Variants in KCNB2 observed in about 807,000 individuals in gnomAD.
KCNB2 encodes the protein delayed rectifier potassium channel protein.
In KCNB2, 15 loss-of-function variants were observed where a neutral mutation model predicts 61.5. That is an observed-to-expected ratio of 0.24 (90% confidence interval 0.16 to 0.38). The LOEUF is 0.38. Among genes scored for constraint, KCNB2 ranks in the 10% least tolerant of loss-of-function variants. KCNB2 has a pLI of 1.00. For missense variants in KCNB2, 828 were observed against 1,125.2 expected (o/e 0.74, Z 3.78); for synonymous variants, 457 against 446.0 (o/e 1.02, Z -0.31).
intron 2 of KCNB2, among the ~76,000 whole-genome samples, chr8:72,794,564 CAAAAAAAA>C (rs397892520): frequency 1.8e-5 from 1 of 56,964 alleles, no homozygotes; most frequent in Admixed American, 2.2e-4. Flanking sequence ...GACTCCATCT[CAAAAAAAA>C]AAAAAAAAAA....
At chr8:72,739,651 A>C (rs1807914130) in intron 2 of KCNB2, among the ~76,000 whole-genome samples, 1 of 152,042 alleles carries the variant, frequency 6.6e-6, no homozygotes, top group Non-Finnish European at 1.5e-5. Context: ...CTTTGAGTTT[A>C]TAGAAGAATG....
chr8:72,871,160 C>T lies in KCNB2; in HGVS notation c.580-64775C>T, dbSNP rs974688743. Reference sequence around the variant, plus strand: ...TCCACCTGCCAACCTCACAGGATTGCTGAAAGGAATGAAATAACAGATGTA... The same window carrying T: ...TCCACCTGCCAACCTCACAGGATTGTTGAAAGGAATGAAATAACAGATGTA... On this transcript the variant is annotated intron_variant, in intron 2 of 2. Coordinates refer to ENST00000523207, the MANE Select transcript of KCNB2 (RefSeq NM_004770.3). Among the ~76,000 whole-genome samples, 3 of 152,080 alleles carry T rather than the reference C, an allele frequency of 2.0e-5. No individual in the cohort carries two copies. In the South Asian group the frequency reaches 6.2e-4, roughly 32 times the overall value.
At chr8:72,731,603 G>A (rs572431693) in intron 2 of KCNB2, among the ~76,000 whole-genome samples, 26 of 152,340 alleles carry the variant, frequency 1.7e-4, no homozygotes, top group Non-Finnish European at 3.1e-4. Context: ...GTGGCGCTTA[G>A]TCACAAGTGA....
intron 2 of KCNB2, among the ~76,000 whole-genome samples, chr8:72,784,765 G>A (rs1258916408): frequency 6.6e-6 from 1 of 152,042 alleles, no homozygotes; most frequent in Non-Finnish European, 1.5e-5. Context: ...TGAGATTTTG[G>A]GTGGGGACAC....
rs200043739 is a variant in KCNB2, at chr8:72,598,282, AAGGC to A, written c.579+29970_579+29973del. 1.1e-3 allele frequency among the ~76,000 whole-genome samples: 174 copies of A among 152,378 alleles called. 5 individuals are homozygous for A. In the East Asian group the frequency reaches 0.031, roughly 27 times the overall value. The stretch of plus-strand genomic sequence containing the variant: ...CAAGTGGACTTCATCACTCAGATGC[AAGGC>A]TGGTTCAACATATGAAAATCAATAA... On this transcript the variant is annotated intron_variant, in intron 2 of 2. Coordinates refer to ENST00000523207, the MANE Select transcript of KCNB2 (RefSeq NM_004770.3).
intron 2 of KCNB2, among the ~76,000 whole-genome samples, chr8:72,885,928 G>C (rs1040176142): frequency 6.6e-6 from 1 of 151,992 alleles, no homozygotes; most frequent in Admixed American, 6.6e-5. Context: ...TCTGACTAAA[G>C]ATATCAATGT....
chr8:72,931,968 G>A (rs758846219), intron 2 of KCNB2, among the ~76,000 whole-genome samples: 8 of 152,070 alleles, frequency 5.3e-5, no homozygotes, highest in East Asian at 1.9e-4. Context: ...AGCCAAGATC[G>A]TGCCACTGCA....
At chr8:72,759,228 C>T (rs1328822986) in intron 2 of KCNB2, among the ~76,000 whole-genome samples, 1 of 152,088 alleles carries the variant, frequency 6.6e-6, no homozygotes, top group East Asian at 1.9e-4. Flanking sequence ...TCGTTCTTGG[C>T]TCATTTATTC....
chr8:72,898,315 A>G (rs1295607683), intron 2 of KCNB2, among the ~76,000 whole-genome samples: 1 of 152,070 alleles, frequency 6.6e-6, no homozygotes, highest in Non-Finnish European at 1.5e-5. Flanking sequence ...GGGGGGAGGG[A>G]TAGCATTAGG....
At chr8:72,626,626 T>C (rs1023733118) in intron 2 of KCNB2, among the ~76,000 whole-genome samples, 4 of 152,214 alleles carry the variant, frequency 2.6e-5, no homozygotes, top group African/African-American at 9.7e-5. Context: ...AAAGGATTAT[T>C]GTCCCCATTG....
chr8:72,726,897 A>C (rs879691140), intron 2 of KCNB2, among the ~76,000 whole-genome samples: 9 of 152,124 alleles, frequency 5.9e-5, no homozygotes, highest in Admixed American at 2.0e-4. Context: ...GAGAACAGAA[A>C]GCTCCCAGCT....
chr8:72,715,534 A>G (rs1384511365), intron 2 of KCNB2, among the ~76,000 whole-genome samples: 1 of 152,316 alleles, frequency 6.6e-6, no homozygotes, highest in Non-Finnish European at 1.5e-5. Context: ...ACTACATGGA[A>G]ACTGAACAAC....
At chr8:72,863,402 G>A (rs563249910) in intron 2 of KCNB2, among the ~76,000 whole-genome samples, 1 of 152,186 alleles carries the variant, frequency 6.6e-6, no homozygotes, top group East Asian at 1.9e-4. Flanking sequence ...TTTTTATTAG[G>A]TTTTTGTATA....
intron 2 of KCNB2, among the ~76,000 whole-genome samples, chr8:72,801,807 A>G (rs1305412733): frequency 6.6e-6 from 1 of 152,092 alleles, no homozygotes; most frequent in African/African-American, 2.4e-5. Context: ...CAGATGGACT[A>G]AAAGAGGGCT....
intron 2 of KCNB2, among the ~76,000 whole-genome samples, chr8:72,831,701 C>A (rs1182351807): frequency 6.6e-6 from 1 of 152,122 alleles, no homozygotes; most frequent in Non-Finnish European, 1.5e-5. Flanking sequence ...GTTGTTGAAC[C>A]AATTTTTGGT....
At chr8:72,768,820 T>A (rs1435191799) in intron 2 of KCNB2, among the ~76,000 whole-genome samples, 1 of 152,096 alleles carries the variant, frequency 6.6e-6, no homozygotes, top group Non-Finnish European at 1.5e-5. Flanking sequence ...AAAACACTAT[T>A]TTTCCCCCCA....
At chr8:72,541,362 G>A (rs1806185262) in intron 1 of KCNB2, among the ~76,000 whole-genome samples, 1 of 152,042 alleles carries the variant, frequency 6.6e-6, no homozygotes, top group Non-Finnish European at 1.5e-5. Context: ...ACCCTATGGT[G>A]TAGCTGTCAG....
intron 2 of KCNB2, among the ~76,000 whole-genome samples, chr8:72,702,702 A>T (rs932655015): frequency 6.6e-6 from 1 of 152,220 alleles, no homozygotes; most frequent in Non-Finnish European, 1.5e-5. Context: ...TGCTAGAAAA[A>T]AATAGTGGAC....
intron 2 of KCNB2, among the ~76,000 whole-genome samples, chr8:72,913,497 A>G (rs1485278952): frequency 2.6e-5 from 4 of 152,320 alleles, no homozygotes; most frequent in Middle Eastern, 3.4e-3. Context: ...GGGTACTGCA[A>G]TAAGTAGCTG....
Sources: gnomAD v4.1 joint callset for allele counts (sites outside exome capture counted in the v4.1 genomes callset) on GRCh38, gnomAD v4.1.1 for gene constraint, MANE v1.5 for transcripts, NCBI Gene and HGNC (gene_info 2026-07-23, HGNC 2026-07-21) for gene names.